DPP6: variants seen among roughly 807,000 people sequenced by gnomAD.
The protein encoded by DPP6 is dipeptidyl peptidase like 6, also known as A-type potassium channel modulatory protein DPP6.
In DPP6, 69 loss-of-function variants were observed where a neutral mutation model predicts 122.6. The observed-to-expected ratio is 0.56, with a 90% confidence interval of 0.46 to 0.69. The LOEUF is 0.69. Among genes scored for constraint, DPP6 ranks in the 30% least tolerant of loss-of-function variants. DPP6 has a pLI of 0.00. For missense variants in DPP6, 928 were observed against 1,116.9 expected (o/e 0.83, Z 2.41); for synonymous variants, 418 against 433.1 (o/e 0.97, Z 0.43).
intron 8 of DPP6, among the ~76,000 whole-genome samples, chr7:154,761,339 G>T (rs1288889423): frequency 6.6e-6 from 1 of 152,218 alleles, no homozygotes; most frequent in Non-Finnish European, 1.5e-5. Flanking sequence ...CCTGCTCTGT[G>T]TCAGCCAGGA....
At chr7:154,277,231 A>G (rs1332231619) in intron 1 of DPP6, among the ~76,000 whole-genome samples, 1 of 152,232 alleles carries the variant, frequency 6.6e-6, no homozygotes, top group African/African-American at 2.4e-5. Flanking sequence ...CAAGTTACAC[A>G]TAAATTTTAG....
intron 1 of DPP6, among the ~76,000 whole-genome samples, chr7:153,888,079 G>A (rs1441311214): frequency 1.3e-5 from 2 of 152,144 alleles, no homozygotes; most frequent in East Asian, 3.9e-4. Context: ...GGGCTCTTCT[G>A]GGGAAACGCG....
intron 1 of DPP6, chr7:154,058,284 C>T (rs1424569417): frequency 6.7e-6 from 1 of 148,994 alleles, no homozygotes; most frequent in Non-Finnish European, 1.5e-5. Flanking sequence ...GCGAGCCCCT[C>T]TTCCCCCCTT....
chr7:154,479,570 A>G (rs113344609), intron 3 of DPP6, among the ~76,000 whole-genome samples: 112 of 101,616 alleles, frequency 1.1e-3, no homozygotes, highest in South Asian at 9.6e-3. Context: ...AAAAAAAAAA[A>G]AAAAGAAAAG....
intron 1 of DPP6, among the ~76,000 whole-genome samples, chr7:154,405,366 C>T (rs536279625): frequency 3.9e-5 from 6 of 152,250 alleles, no homozygotes; most frequent in Non-Finnish European, 5.9e-5. Context: ...TGTTTTGTGA[C>T]GTGCATGTAC....
intron 1 of DPP6, among the ~76,000 whole-genome samples, chr7:154,210,303 G>A (rs1799672546): frequency 6.6e-6 from 1 of 152,130 alleles, no homozygotes. Context: ...GGTCTTCCCT[G>A]AGCAAACCTG....
At position 154,760,130 on chromosome 7, in the gene DPP6, A is replaced by T. The variant is rs1174155864; in HGVS notation, c.884-9287A>T. On this transcript the variant is annotated intron_variant, in intron 8 of 25. Coordinates refer to ENST00000377770, the MANE Select transcript of DPP6 (RefSeq NM_130797.4). This position sits in a 1 kb window ranked among gnomAD's most constrained non-coding sequence, Gnocchi z 4.5. ...AGAGCGAGATTCTGTCTCAAAACAAAAAAAAGTCTATTCCCAAGGAGACAG... is the reference window on the plus strand; with the variant it reads ...AGAGCGAGATTCTGTCTCAAAACAATAAAAAGTCTATTCCCAAGGAGACAG... Among the ~76,000 whole-genome samples, 1 of 152,118 alleles carries T rather than the reference A, an allele frequency of 6.6e-6. No homozygotes were observed. Among genetic ancestry groups the T allele is most frequent in the East Asian group, 1.9e-4 (1 of 5,190 alleles).
At chr7:154,044,341 C>T (rs1025800583) in intron 1 of DPP6, among the ~76,000 whole-genome samples, 3 of 152,104 alleles carry the variant, frequency 2.0e-5, no homozygotes, top group Non-Finnish European at 4.4e-5. Flanking sequence ...TTAAATTACC[C>T]ACAAGAAGCA....
the DPP6 span, among the ~76,000 whole-genome samples, chr7:153,778,277 TG>T: frequency 2.0e-5 from 3 of 151,700 alleles, no homozygotes; most frequent in Admixed American, 2.0e-4. Context: ...GGAGGGAGCT[TG>T]GTGGTATCCG....
At chr7:154,153,241 A>G (rs1202811888) in intron 1 of DPP6, among the ~76,000 whole-genome samples, 2 of 152,158 alleles carry the variant, frequency 1.3e-5, no homozygotes, top group African/African-American at 4.8e-5. Context: ...GCTGGAGTGC[A>G]ATGGCGGGAT....
intron 1 of DPP6, among the ~76,000 whole-genome samples, chr7:153,940,673 C>T (rs1319138010): frequency 3.9e-5 from 6 of 152,052 alleles, no homozygotes; most frequent in African/African-American, 7.2e-5. Flanking sequence ...TTCATGTTGA[C>T]ATGTGTTAAA....
intron 1 of DPP6, among the ~76,000 whole-genome samples, chr7:154,409,837 C>A (rs1000553298): frequency 6.6e-6 from 1 of 152,188 alleles, no homozygotes; most frequent in Non-Finnish European, 1.5e-5. Context: ...GGTTCTGTAG[C>A]AGTGCTGGCT....
intron 2 of DPP6, among the ~76,000 whole-genome samples, chr7:154,472,903 A>C (rs1481206352): frequency 6.6e-6 from 1 of 152,238 alleles, no homozygotes; most frequent in African/African-American, 2.4e-5. Flanking sequence ...CCTTTAAAAA[A>C]CAAATAAAAT....
At chr7:154,539,851 G>T (rs1828577301) in intron 3 of DPP6, among the ~76,000 whole-genome samples, 1 of 151,934 alleles carries the variant, frequency 6.6e-6, no homozygotes, top group South Asian at 2.1e-4. Context: ...TTATCTCATT[G>T]ATTTTGGGGA....
intron 2 of DPP6, among the ~76,000 whole-genome samples, chr7:154,469,909 G>A (rs1288453469): frequency 6.6e-6 from 1 of 152,210 alleles, no homozygotes; most frequent in Non-Finnish European, 1.5e-5. Context: ...GTCCATCGCT[G>A]ACGGAACAGG....
chr7:154,135,996 T>C (rs978706259), intron 1 of DPP6, among the ~76,000 whole-genome samples: 2 of 152,252 alleles, frequency 1.3e-5, no homozygotes, highest in African/African-American at 4.8e-5. Flanking sequence ...ACACTTGCTG[T>C]GTGCATTCTC....
intron 7 of DPP6, among the ~76,000 whole-genome samples, chr7:154,688,785 C>T (rs971297216): frequency 1.3e-5 from 2 of 152,182 alleles, no homozygotes; most frequent in Admixed American, 1.3e-4. Flanking sequence ...CATCTGCCTT[C>T]CCCAGCCCAC....
chr7:154,523,815 G>A (rs1163185753), intron 3 of DPP6, among the ~76,000 whole-genome samples: 1 of 152,148 alleles, frequency 6.6e-6, no homozygotes, highest in Non-Finnish European at 1.5e-5. Context: ...TTGGTGATTC[G>A]AAGGGGAGAT....
At chr7:153,885,589 C>A (rs138971114), upstream of DPP6, among the ~76,000 whole-genome samples, 33 of 152,302 alleles carry the variant, frequency 2.2e-4, no homozygotes, top group East Asian at 6.0e-3. Flanking sequence ...GCCTCCAGAA[C>A]TGTGAGAAAT....
Sources: gnomAD v4.1 joint callset for allele counts (sites outside exome capture counted in the v4.1 genomes callset) on GRCh38, gnomAD v4.1.1 for gene constraint, Gnocchi (gnomAD v3.1) non-coding constraint, MANE v1.5 for transcripts, NCBI Gene and HGNC (gene_info 2026-07-23, HGNC 2026-07-21) for gene names.